Variants in AKAP13 observed in about 807,000 individuals in gnomAD.
AKAP13 encodes A-kinase anchoring protein 13.
AKAP13 carries 80 observed loss-of-function variants against 264.5 expected under a neutral mutation model. That is an observed-to-expected ratio of 0.30 (90% confidence interval 0.25 to 0.36). AKAP13 has a LOEUF of 0.36. AKAP13 is among the 10% of genes least tolerant of loss of function. AKAP13 has a pLI of 1.00. For synonymous variants in AKAP13, 1,380 were observed against 1,250.2 expected, an observed-to-expected ratio of 1.10 and a Z score of -2.19; for missense variants, 3,712 against 3,435.2, an observed-to-expected ratio of 1.08 and a Z score of -2.01.
intron 1 of AKAP13, among the ~76,000 whole-genome samples, chr15:85,473,263 G>C (rs1184633666): frequency 6.6e-6 from 1 of 152,166 alleles, no homozygotes; most frequent in Non-Finnish European, 1.5e-5. Flanking sequence ...GGGGGTGGGA[G>C]TAAAGAGTAG....
At chr15:85,622,525 C>T (rs1434154538) in intron 8 of AKAP13, among the ~76,000 whole-genome samples, 1 of 152,112 alleles carries the variant, frequency 6.6e-6, no homozygotes, top group African/African-American at 2.4e-5. Context: ...GGGGAGGATG[C>T]CTTACCTCTC....
chr15:85,438,729 A>G (rs1419745460), intron 1 of AKAP13, among the ~76,000 whole-genome samples: 3 of 151,792 alleles, frequency 2.0e-5, no homozygotes, highest in East Asian at 1.9e-4. Context: ...AGGATTCCCT[A>G]TTTAATAAAT....
At chr15:85,535,797 CTCTTT>C (rs1056954137) in intron 4 of AKAP13, 1 of 145,100 alleles carries the variant, frequency 6.9e-6, no homozygotes, top group African/African-American at 2.7e-5. Flanking sequence ...CTCTTTCTCT[CTCTTT>C]TTTTTTTTTT....
chr15:85,724,332 C>A lies in AKAP13; in HGVS notation c.6745+1012C>A, dbSNP rs114822702. Among the ~76,000 whole-genome samples, 1 of 152,132 alleles carries A rather than the reference C, an allele frequency of 6.6e-6. No homozygotes were observed. The highest frequency in any genetic ancestry group is 2.4e-5 in the African/African-American group (1 of 41,414). On this transcript the variant is annotated intron_variant, in intron 26 of 36. Transcript: ENST00000394518. The surrounding 1 kb of genome is among the most constrained non-coding windows in gnomAD (Gnocchi z 4.2). ...AAATGAAGAGCCTTGGAAAGAGATA[C>A]CTGCTCTACAGTGTGGTGAGTGCTG...
intron 1 of AKAP13, among the ~76,000 whole-genome samples, chr15:85,425,676 A>G (rs1046245475): frequency 6.7e-6 from 1 of 150,182 alleles, no homozygotes; most frequent in Non-Finnish European, 1.5e-5. Context: ...AGATTGTGCC[A>G]CTGCACTCCA....
Position 85,583,813 on chromosome 15 carries a change from C to T in AKAP13, c.4039+1706C>T, listed in dbSNP as rs544923657. ...ATATAGTAAAGATGGTGAGAAATGA[C>T]GGATGTTTAGGATTTTGAGGTTTTG... On this transcript the variant is annotated intron_variant, in intron 7 of 36. Coordinates refer to ENST00000394518, the MANE Select transcript of AKAP13 (RefSeq NM_007200.5). Among the ~76,000 whole-genome samples, 23 of 151,866 alleles carry T rather than the reference C, an allele frequency of 1.5e-4. No homozygotes were observed. In the South Asian group the frequency reaches 4.0e-3, roughly 26 times the overall value.
In AKAP13 at chr15:85,515,841, C is replaced by CT. The variant is rs555551831; in HGVS notation, c.34-5577dup. On this transcript the variant is annotated intron_variant, in intron 2 of 36. Transcript: ENST00000394518. Reference sequence around the variant, plus strand: ...GCTTATTTCTCTATGGTTATTTTTCCTTTTTTTTTTAAATCATTTGATTCA... The same window carrying CT: ...GCTTATTTCTCTATGGTTATTTTTCCTTTTTTTTTTTAAATCATTTGATTCA... Among the ~76,000 whole-genome samples, 298 of 131,398 alleles carry CT rather than the reference C, an allele frequency of 2.3e-3. 55 individuals are homozygous for CT. The highest frequency in any genetic ancestry group is 5.2e-3 in the African/African-American group (170 of 32,474). The allele number at this position is 131,398 out of a possible 152,430, so 86.2% of individuals were successfully genotyped here.
chr15:85,594,107 T>A (rs2079702740), intron 8 of AKAP13, among the ~76,000 whole-genome samples: 1 of 152,208 alleles, frequency 6.6e-6, no homozygotes, highest in Admixed American at 6.5e-5. Context: ...ACAGTATGAA[T>A]GAGTGATTTT....
chr15:85,622,764 AAT>A (rs2151424945), intron 8 of AKAP13, among the ~76,000 whole-genome samples: 1 of 152,290 alleles, frequency 6.6e-6, no homozygotes, highest in Admixed American at 6.5e-5. Flanking sequence ...TGTAATTGAT[AAT>A]AGAGTGCAGT....
intron 14 of AKAP13, among the ~76,000 whole-genome samples, chr15:85,670,333 TA>T (rs554630934): frequency 6.6e-6 from 1 of 151,958 alleles, no homozygotes; most frequent in South Asian, 2.1e-4. Context: ...GTATATTTCC[TA>T]AAAACAAAGA....
At chr15:85,586,222 C>T (rs374658159) in intron 8 of AKAP13, among the ~76,000 whole-genome samples, 1 of 148,728 alleles carries the variant, frequency 6.7e-6, no homozygotes, top group Non-Finnish European at 1.5e-5. Flanking sequence ...TGGAGTTTTG[C>T]TCTTGTCACC....
chr15:85,402,911 G>C (rs893977702), intron 1 of AKAP13, among the ~76,000 whole-genome samples: 2 of 152,176 alleles, frequency 1.3e-5, no homozygotes, highest in African/African-American at 2.4e-5. Context: ...AGTTACAGGA[G>C]TTTTGTAGCT....
chr15:85,504,055 C>T (rs4281668), intron 2 of AKAP13, among the ~76,000 whole-genome samples: 77,091 of 151,892 alleles, frequency 0.51, 20,122 homozygotes, highest in Middle Eastern at 0.61. Flanking sequence ...CTGTGCTTCC[C>T]AGTGTGTGGA....
At chr15:85,474,317 C>T (rs949885529) in intron 1 of AKAP13, among the ~76,000 whole-genome samples, 8 of 152,328 alleles carry the variant, frequency 5.3e-5, no homozygotes, top group African/African-American at 1.7e-4. Flanking sequence ...TTTAAATAGT[C>T]AGATTCTCTG....
rs148113947 is a variant in AKAP13, at chr15:85,391,565, A to G, written c.-12+10767A>G. Among the ~76,000 whole-genome samples, 306 of 149,662 alleles carry G rather than the reference A, an allele frequency of 2.0e-3. 5 individuals carry two copies. The East Asian group carries it at 0.05, about 24-fold the overall frequency. On this transcript the variant is annotated intron_variant, in intron 1 of 36. Coordinates refer to ENST00000394518, the MANE Select transcript of AKAP13 (RefSeq NM_007200.5). The stretch of plus-strand genomic sequence containing the variant: ...AGTGGCGCGATCTCGGCTCACTGCA[A>G]CCTCTCCCTTCTGGGCTCAAGTGAG...
At chr15:85,665,348 A>G (rs1451733715) in intron 13 of AKAP13, among the ~76,000 whole-genome samples, 2 of 152,250 alleles carry the variant, frequency 1.3e-5, no homozygotes, top group African/African-American at 4.8e-5. Flanking sequence ...TTACCCTCTC[A>G]ATAGTAAACT....
chr15:85,472,281 A>T (rs2074988859), intron 1 of AKAP13, among the ~76,000 whole-genome samples: 1 of 151,514 alleles, frequency 6.6e-6, no homozygotes, highest in Non-Finnish European at 1.5e-5. Flanking sequence ...CTGAGGCAGG[A>T]GGATCACTTG....
intron 13 of AKAP13, 78 bp downstream of exon 13, chr15:85,664,833 A>G: frequency 7.3e-7 from 1 of 1,366,866 alleles, no homozygotes; most frequent in Non-Finnish European, 1.0e-6. Context: ...TTCTGGTAGT[A>G]TAAGGCTAGT....
intron 2 of AKAP13, among the ~76,000 whole-genome samples, chr15:85,496,437 T>C (rs1189968141): frequency 6.6e-6 from 1 of 152,184 alleles, no homozygotes; most frequent in Non-Finnish European, 1.5e-5. Context: ...ACGGAGATAC[T>C]GTGATTAGGA....
Sources: gnomAD v4.1 joint callset for allele counts (sites outside exome capture counted in the v4.1 genomes callset) on GRCh38, gnomAD v4.1.1 for gene constraint, Gnocchi (gnomAD v3.1) non-coding constraint, MANE v1.5 for transcripts, NCBI Gene and HGNC (gene_info 2026-07-23, HGNC 2026-07-21) for gene names.